Variants in TAFA1 observed in about 807,000 individuals in gnomAD.
TAFA1 encodes TAFA chemokine like family member 1.
Under a neutral mutation model 18.5 loss-of-function variants are expected in TAFA1, and 4 were observed. That is an observed-to-expected ratio of 0.22 (90% confidence interval 0.11 to 0.49). TAFA1 has a LOEUF of 0.49. Ranked by LOEUF, TAFA1 falls within the 20% of genes least tolerant of loss-of-function variation. The probability of loss-of-function intolerance (pLI) is 0.98; values close to 1 mark genes in which losing one functional copy is unlikely to be tolerated. For missense variants in TAFA1, 147 were observed against 169.0 expected, an observed-to-expected ratio of 0.87 and a Z score of 0.72; for synonymous variants, 56 against 55.2, an observed-to-expected ratio of 1.01 and a Z score of -0.06.
intron 3 of TAFA1, among the ~76,000 whole-genome samples, chr3:68,506,087 T>A (rs1363527536): frequency 6.6e-6 from 1 of 151,996 alleles, no homozygotes; most frequent in Non-Finnish European, 1.5e-5. Context: ...CCCCCCTCTG[T>A]GTCCATGTGT....
chr3:68,062,455 C>T (rs2064616715), intron 2 of TAFA1, among the ~76,000 whole-genome samples: 1 of 152,172 alleles, frequency 6.6e-6, no homozygotes, highest in Non-Finnish European at 1.5e-5. Context: ...TAGTTCATGA[C>T]TTCTGGAGAA....
chr3:68,129,489 T>C (rs1408757681), intron 2 of TAFA1, among the ~76,000 whole-genome samples: 6 of 152,170 alleles, frequency 3.9e-5, no homozygotes, highest in Non-Finnish European at 8.8e-5. Context: ...GTTTCTTGTG[T>C]AGGTTAAGGG....
intron 2 of TAFA1, among the ~76,000 whole-genome samples, chr3:68,313,589 A>G (rs1460342749): frequency 1.3e-5 from 2 of 152,234 alleles, no homozygotes; most frequent in African/African-American, 4.8e-5. Context: ...CTGATAAAAT[A>G]AGAAAAAAGT....
intron 2 of TAFA1, among the ~76,000 whole-genome samples, chr3:68,411,055 G>T (rs920815808): frequency 1.3e-5 from 2 of 152,142 alleles, no homozygotes; most frequent in African/African-American, 4.8e-5. Context: ...GGAACATTTT[G>T]GTTTCCTTTC....
chr3:68,122,808 A>ATGTG (rs554984931), intron 2 of TAFA1, among the ~76,000 whole-genome samples: 1 of 151,306 alleles, frequency 6.6e-6, no homozygotes, highest in Non-Finnish European at 1.5e-5. Flanking sequence ...GTATATATAT[A>ATGTG]TGTGTGTGTG....
chr3:68,009,855 A>G (rs1704436213), intron 2 of TAFA1, among the ~76,000 whole-genome samples: 1 of 152,234 alleles, frequency 6.6e-6, no homozygotes, highest in African/African-American at 2.4e-5. Context: ...TGAAATGTGT[A>G]TGAAAACAAG....
chr3:68,287,468 G>A (rs890272764), intron 2 of TAFA1, among the ~76,000 whole-genome samples: 5 of 146,478 alleles, frequency 3.4e-5, no homozygotes, highest in Non-Finnish European at 7.4e-5. Flanking sequence ...TCACCGTAAG[G>A]GGCAATGAGA....
intron 3 of TAFA1, among the ~76,000 whole-genome samples, chr3:68,455,298 G>A (rs868563376): frequency 7.9e-5 from 12 of 152,018 alleles, no homozygotes; most frequent in Middle Eastern, 6.3e-3. Flanking sequence ...GGAGGCTGGA[G>A]AGGCAGGCAT....
chr3:68,250,308 A>T (rs549535411), intron 2 of TAFA1, among the ~76,000 whole-genome samples: 2 of 152,324 alleles, frequency 1.3e-5, no homozygotes, highest in South Asian at 2.1e-4. Context: ...TCATTTGGAG[A>T]CAGTCTCAGA....
At chr3:68,315,879 A>G (rs1192057890) in intron 2 of TAFA1, among the ~76,000 whole-genome samples, 1 of 152,224 alleles carries the variant, frequency 6.6e-6, no homozygotes, top group African/African-American at 2.4e-5. Flanking sequence ...TGTGGTTGAC[A>G]AATGGGTTTA....
At chr3:68,304,206 T>C (rs4855327) in intron 2 of TAFA1, among the ~76,000 whole-genome samples, 3,948 of 152,288 alleles carry the variant, frequency 0.026, 88 homozygotes, top group East Asian at 0.098. Context: ...TGATATATAC[T>C]TGATATGAAA....
chr3:68,024,834 A>ACACACACACACACACAC lies in TAFA1; in HGVS notation c.118+18090_118+18091insCACACACACACACACAC, dbSNP rs33967574. ...ACACACACACACACACACACACACA[A>ACACACACACACACACAC]TTATACATTGTTAAGGTATTTAACA... On this transcript the variant is annotated intron_variant, in intron 2 of 4. Coordinates refer to ENST00000478136, the MANE Select transcript of TAFA1 (RefSeq NM_213609.4). 4.7e-4 allele frequency among the ~76,000 whole-genome samples: 65 copies of ACACACACACACACACAC among 139,390 alleles called. 1 individual carries two copies. Among genetic ancestry groups the ACACACACACACACACAC allele is most frequent in the Non-Finnish European group, 8.0e-4 (50 of 62,526 alleles). The allele number at this position is 139,390 out of a possible 152,430, so 91.4% of individuals were successfully genotyped here. A position where few individuals can be genotyped will look rare whatever the true frequency, so the allele number is the denominator to read the frequency against.
intron 3 of TAFA1, among the ~76,000 whole-genome samples, chr3:68,456,797 T>C (rs2071675095): frequency 1.3e-5 from 2 of 152,206 alleles, no homozygotes; most frequent in African/African-American, 2.4e-5. Flanking sequence ...TTTCTTTTTT[T>C]ACAATGGTCC....
intron 2 of TAFA1, among the ~76,000 whole-genome samples, chr3:68,074,035 G>A (rs1217678129): frequency 3.3e-5 from 5 of 152,120 alleles, no homozygotes; most frequent in Non-Finnish European, 5.9e-5. Flanking sequence ...ATCAGTGGGA[G>A]GCCTGAGCTT....
chr3:68,349,818 C>A (rs1020790175), intron 2 of TAFA1, among the ~76,000 whole-genome samples: 1 of 152,112 alleles, frequency 6.6e-6, no homozygotes, highest in African/African-American at 2.4e-5. Flanking sequence ...TAGATTATCA[C>A]CTTCCCTAGT....
chr3:68,477,299 A>T (rs564852900), intron 3 of TAFA1, among the ~76,000 whole-genome samples: 2 of 152,238 alleles, frequency 1.3e-5, no homozygotes, highest in South Asian at 4.1e-4. Flanking sequence ...ATGAGTGTAT[A>T]TTTTAAAAAT....
chr3:68,278,016 C>T (rs761845786), intron 2 of TAFA1, among the ~76,000 whole-genome samples: 4 of 152,090 alleles, frequency 2.6e-5, no homozygotes, highest in African/African-American at 4.8e-5. Flanking sequence ...CATCTTTATA[C>T]GGTATCCTTA....
At chr3:68,304,610 C>A (rs1050535253) in intron 2 of TAFA1, among the ~76,000 whole-genome samples, 1 of 152,110 alleles carries the variant, frequency 6.6e-6, no homozygotes, top group African/African-American at 2.4e-5. Flanking sequence ...GAGATAAATT[C>A]TTTACCATTG....
chr3:68,408,364 T>A (rs1260969270), intron 2 of TAFA1, among the ~76,000 whole-genome samples: 4 of 152,182 alleles, frequency 2.6e-5, no homozygotes, highest in Non-Finnish European at 4.4e-5. Flanking sequence ...TAAAAAGCTT[T>A]ACCTTTGTAA....
Sources: gnomAD v4.1 joint callset for allele counts (sites outside exome capture counted in the v4.1 genomes callset) on GRCh38, gnomAD v4.1.1 for gene constraint, MANE v1.5 for transcripts, NCBI Gene and HGNC (gene_info 2026-07-23, HGNC 2026-07-21) for gene names.